The following IGDCC4 variants were observed in gnomAD, a reference collection of about 807,000 sequenced individuals.
The protein encoded by IGDCC4 is immunoglobulin superfamily DCC subclass member 4.
IGDCC4 carries 72 observed loss-of-function variants against 116.6 expected under a neutral mutation model. That is an observed-to-expected ratio of 0.62 (90% CI 0.51 to 0.75). The LOEUF is 0.75. IGDCC4 is among the 30% of genes least tolerant of loss of function. The pLI, the probability that IGDCC4 is intolerant of heterozygous loss-of-function variation, is 0.00. For synonymous variants in IGDCC4, 709 were observed against 719.9 expected (o/e 0.98, Z 0.24); for missense variants, 1,501 against 1,662.4 (o/e 0.90, Z 1.69).
intron 3 of IGDCC4, among the ~76,000 whole-genome samples, chr15:65,404,356 G>T (rs1281959455): frequency 1.3e-5 from 2 of 152,158 alleles, no homozygotes; most frequent in Non-Finnish European, 2.9e-5. Flanking sequence ...GACAAGTGTG[G>T]CTGGAGCAAA....
chr15:65,400,782 C>T, intron 5 of IGDCC4, 24 bp downstream of exon 5: 1 of 1,571,360 alleles, frequency 6.4e-7, no homozygotes, highest in Non-Finnish European at 8.6e-7. Flanking sequence ...CCCATGCCCT[C>T]CTTCTCCCAC....
chr15:65,391,461 G>A (rs1013655027), intron 12 of IGDCC4, among the ~76,000 whole-genome samples: 2 of 152,186 alleles, frequency 1.3e-5, no homozygotes, highest in African/African-American at 4.8e-5. Flanking sequence ...TCCTCTCTGA[G>A]CCTCAGTTTC....
rs1319189513 is a variant in IGDCC4, at chr15:65,422,857, C to G, written c.6G>C (p.Ala2=). The G allele has an allele frequency of 2.5e-6, 3 of 1,183,544 alleles. No individual in the cohort carries two copies. The African/African-American group carries it at 4.9e-5, about 19-fold the overall frequency. The allele number at this position is 1,183,544 out of a possible 1,614,324, so 73.3% of individuals were successfully genotyped here. A position where few individuals can be genotyped will look rare whatever the true frequency, so the allele number is the denominator to read the frequency against. ...CGCGGCCGCGGCCGGCGTCCCCCCG[C>G]GCCATGGGGCTGGGCTCGGGCCGCC... M[A]RGDAGRGRGL... Residue 2 remains alanine, a synonymous_variant, in exon 1 of 20, where the codon GCG becomes GCC. Coordinates refer to ENST00000352385, the MANE Select transcript of IGDCC4 (RefSeq NM_020962.3).
chr15:65,396,983 T>C lies in IGDCC4; in HGVS notation c.848A>G (p.Lys283Arg). The C allele has an allele frequency of 6.3e-7, 1 of 1,579,944 alleles. No individual in the cohort carries two copies. Among genetic ancestry groups the C allele is most frequent in the Non-Finnish European group, 8.6e-7 (1 of 1,162,484 alleles). ...GACGATGACATCTGTGGAGATGGGC[T>C]TCCCGTCTGGGGAAGGAGAGGGAGA... ...PFVSWVRQDG[K>R]PISTDVIVLG... The change falls in exon 6 of 20, where the codon AAG (lysine) becomes AGG (arginine). Residue 283 changes from lysine (K) to arginine (R), a missense_variant. By Grantham distance (26) the Lys-to-Arg change is conservative. Coordinates refer to ENST00000352385, the MANE Select transcript of IGDCC4 (RefSeq NM_020962.3).
intron 14 of IGDCC4, 136 bp downstream of exon 14, chr15:65,389,148 A>G: frequency 1.6e-6 from 2 of 1,280,806 alleles, no homozygotes; most frequent in Non-Finnish European, 2.1e-6. Flanking sequence ...GGGACTTAAC[A>G]TTCCTCCCCT....
chr15:65,389,333 G>T lies in IGDCC4; in HGVS notation c.2487C>A (p.Asp829Glu). 2 of 1,614,192 alleles carry T rather than the reference G, an allele frequency of 1.2e-6. No individual in the cohort carries two copies. The highest frequency in any genetic ancestry group is 1.7e-6 in the Non-Finnish European group (2 of 1,180,026). ...CCACAGAGCCGAAAGGCCCATCCAT[G>T]TCCACGCCGTGAGACTGCACTGCAA... ...YEFAVQSHGV[D>E]MDGPFGSVVE... The change falls in exon 14 of 20, where the codon GAC becomes GAA. Residue 829 changes from aspartate to glutamate, a missense_variant. Around this residue, in one of 3 missense-constraint regions of IGDCC4, gnomAD observed 235 missense variants for 328.0 expected, o/e 0.72. Coordinates refer to ENST00000352385, the MANE Select transcript of IGDCC4 (RefSeq NM_020962.3).
intron 3 of IGDCC4, among the ~76,000 whole-genome samples, chr15:65,403,900 C>T (rs939135158): frequency 6.6e-6 from 1 of 152,088 alleles, no homozygotes; most frequent in Non-Finnish European, 1.5e-5. Flanking sequence ...GAGTGGGCTC[C>T]GACCTAAGGA....
chr15:65,400,685 T>C (rs1567087131), intron 5 of IGDCC4, 121 bp downstream of exon 5: 7 of 1,277,766 alleles, frequency 5.5e-6, no homozygotes, highest in Non-Finnish European at 6.4e-6. Context: ...AAGGAGTTCG[T>C]GCCACACCAG....
At chr15:65,398,162 G>A (rs1305141802) in intron 5 of IGDCC4, among the ~76,000 whole-genome samples, 2 of 152,192 alleles carry the variant, frequency 1.3e-5, no homozygotes, top group African/African-American at 4.8e-5. Context: ...TTATCTCTGA[G>A]TAGTGGAGTG....
chr15:65,385,039 C>CG lies in IGDCC4; in HGVS notation c.3256dup (p.Arg1086ProfsTer47), dbSNP rs1567078537. 6.2e-7 allele frequency: 1 copy of CG among 1,604,140 alleles called. No individual in the cohort carries two copies. Among genetic ancestry groups the CG allele is most frequent in the South Asian group, 1.1e-5 (1 of 90,320 alleles). ...CAGCAGGGCCCGGGTCAGAGCCGGC[C>CG]GGGGGCCTGCCTGGGGCAGCTCACA... On this transcript the variant is annotated frameshift_variant, in exon 19 of 20. Coordinates refer to ENST00000352385, the MANE Select transcript of IGDCC4 (RefSeq NM_020962.3). LOFTEE classifies it high-confidence loss of function.
rs919400142 is a variant in IGDCC4, at chr15:65,382,491, C to G, written c.*1518G>C. The G allele has an allele frequency of 6.6e-6, 1 of 151,826 alleles. No individual in the cohort carries two copies. The highest frequency in any genetic ancestry group is 2.4e-5 in the African/African-American group (1 of 41,166). The allele number at this position is 151,826 out of a possible 1,614,324, so 9.4% of individuals were successfully genotyped here. Reference sequence around the variant, plus strand: ...CAGAGTTAACTCTTGATGTGCCAATCAGACATCATTAGGGAGTAAAGACCC... The same window carrying G: ...CAGAGTTAACTCTTGATGTGCCAATGAGACATCATTAGGGAGTAAAGACCC... On this transcript the variant is annotated 3_prime_UTR_variant, in exon 20 of 20. Coordinates refer to ENST00000352385, the MANE Select transcript of IGDCC4 (RefSeq NM_020962.3).
intron 1 of IGDCC4, among the ~76,000 whole-genome samples, chr15:65,413,586 T>G (rs898195217): frequency 6.6e-6 from 1 of 152,174 alleles, no homozygotes; most frequent in Non-Finnish European, 1.5e-5. Context: ...CATAGACAAA[T>G]GGTTGGTTCT....
Position 65,382,036 on chromosome 15 carries a change from T to G in IGDCC4, c.*1973A>C, listed in dbSNP as rs2091404956. On this transcript the variant is annotated 3_prime_UTR_variant, in exon 20 of 20. Coordinates refer to ENST00000352385, the MANE Select transcript of IGDCC4 (RefSeq NM_020962.3). Reference sequence around the variant, plus strand: ...CATGAAAAATGACTATGTGGTATAATGCTAAGAGCCTACTGTTAAAACAGC... The same window carrying G: ...CATGAAAAATGACTATGTGGTATAAGGCTAAGAGCCTACTGTTAAAACAGC... The G allele has an allele frequency of 6.6e-6, 1 of 152,520 alleles. No homozygotes were observed. The highest frequency in any genetic ancestry group is 1.5e-5 in the Non-Finnish European group (1 of 68,014). The allele number at this position is 152,520 out of a possible 1,614,324, so 9.4% of individuals were successfully genotyped here. A position where few individuals can be genotyped will look rare whatever the true frequency, so the allele number is the denominator to read the frequency against.
chr15:65,396,998 G>T lies in IGDCC4; in HGVS notation c.842-9C>A. ...GGAGATGGGCTTCCCGTCTGGGGAA[G>T]GAGAGGGAGACGCGCTGGAGGGGAC... On this transcript the variant is annotated splice_polypyrimidine_tract_variant and intron_variant, in intron 5 of 19. Transcript: ENST00000352385. 1 of 1,575,522 alleles carries T rather than the reference G, an allele frequency of 6.3e-7. No individual in the cohort carries two copies. The highest frequency in any genetic ancestry group is 1.2e-5 in the South Asian group (1 of 85,736).
In IGDCC4 at chr15:65,396,118, C is replaced by G. The variant is rs957450086; in HGVS notation, c.1043G>C (p.Arg348Pro). 5.5e-6 allele frequency: 8 copies of G among 1,453,956 alleles called. No individual in the cohort carries two copies. Among genetic ancestry groups the G allele is most frequent in the Admixed American group, 2.5e-5 (1 of 40,040 alleles). The allele number at this position is 1,453,956 out of a possible 1,614,324, so 90.1% of individuals were successfully genotyped here. Reference sequence around the variant, plus strand: ...GCACACGAAGCGCGCTGTGCTCGCCCGCGTCCGCGACAGCGCCTCGGGCGC... The same window carrying G: ...GCACACGAAGCGCGCTGTGCTCGCCGGCGTCCGCGACAGCGCCTCGGGCGC... ...TQAPEALSRTRASTARFVCRA... is the reference protein window; with the variant it reads ...TQAPEALSRTPASTARFVCRA... Residue 348 changes from arginine (R) to proline (P), a missense_variant, in exon 7 of 20, where the codon CGG becomes CCG. By Grantham distance (103) the Arg-to-Pro change is moderately radical. Coordinates refer to ENST00000352385, the MANE Select transcript of IGDCC4 (RefSeq NM_020962.3).
chr15:65,413,055 TGTGTGA>T (rs902712076), intron 1 of IGDCC4, among the ~76,000 whole-genome samples: 12 of 151,350 alleles, frequency 7.9e-5, no homozygotes, highest in African/African-American at 2.7e-4. Flanking sequence ...TGTGTGTGTG[TGTGTGA>T]ATACTATATA....
chr15:65,397,835 G>A (rs376528589), intron 5 of IGDCC4, among the ~76,000 whole-genome samples: 1 of 152,232 alleles, frequency 6.6e-6, no homozygotes, highest in East Asian at 1.9e-4. Context: ...CTAGGAAGAT[G>A]ATCAGAAGTA....
chr15:65,384,216 C>T lies in IGDCC4; in HGVS notation c.3546G>A (p.Arg1182=). The change falls in exon 20 of 20, where the codon AGG becomes AGA. Residue 1182 remains arginine, a synonymous_variant. Coordinates refer to ENST00000352385, the MANE Select transcript of IGDCC4 (RefSeq NM_020962.3). This position sits in a 1 kb window ranked among gnomAD's most constrained non-coding sequence, Gnocchi z 4.9. Reference sequence around the variant, plus strand: ...CTGCCAGCTCACACCCTCCCAACTCCCTGTCCAGCCAGGCTGCCCCCTGCC... The same window carrying T: ...CTGCCAGCTCACACCCTCCCAACTCTCTGTCCAGCCAGGCTGCCCCCTGCC... ...DPGQGAAWLD[R]ELGGCELAAP... The T allele has an allele frequency of 4.4e-6, 7 of 1,604,280 alleles. No homozygotes were observed. Among genetic ancestry groups the T allele is most frequent in the Non-Finnish European group, 6.0e-6 (7 of 1,172,876 alleles).
chr15:65,416,548 G>A (rs1173712677), intron 1 of IGDCC4, among the ~76,000 whole-genome samples: 1 of 152,132 alleles, frequency 6.6e-6, no homozygotes, highest in Admixed American at 6.5e-5. Context: ...TCTGGGGAGG[G>A]GACCTTATTT....
Sources: gnomAD v4.1 joint callset for allele counts (sites outside exome capture counted in the v4.1 genomes callset) on GRCh38, gnomAD v4.1.1 for gene constraint, gnomAD v4.1.1 regional missense constraint, Gnocchi (gnomAD v3.1) non-coding constraint, MANE v1.5 for transcripts, NCBI Gene and HGNC (gene_info 2026-07-23, HGNC 2026-07-21) for gene names.